The following NDUFAF6 variants were observed in gnomAD, a reference collection of about 807,000 sequenced individuals.
NDUFAF6 encodes NADH:ubiquinone oxidoreductase complex assembly factor 6.
Under a neutral mutation model 40.8 loss-of-function variants are expected in NDUFAF6, and 45 were observed. The observed-to-expected ratio is 1.10, with a 90% CI of 0.87 to 1.42. The LOEUF is 1.42. Ranked by LOEUF, NDUFAF6 falls within the 40% of genes most tolerant of loss-of-function variation. The pLI is 0.00. For missense variants in NDUFAF6, 435 were observed against 418.5 expected, an observed-to-expected ratio of 1.04 and a Z score of -0.34; for synonymous variants, 185 against 155.9, an observed-to-expected ratio of 1.19 and a Z score of -1.39.
intron 1 of NDUFAF6, among the ~76,000 whole-genome samples, chr8:94,917,261 A>G (rs1819203019): frequency 6.6e-6 from 1 of 152,140 alleles, no homozygotes; most frequent in African/African-American, 2.4e-5. Flanking sequence ...GTTTTTACCT[A>G]TTCCAGTCTG....
intron 1 of NDUFAF6, among the ~76,000 whole-genome samples, chr8:94,901,964 C>T (rs1818046081): frequency 6.6e-6 from 1 of 152,108 alleles, no homozygotes; most frequent in South Asian, 2.1e-4. Context: ...ACCTGTATTC[C>T]ACTATCAACA....
At chr8:94,902,341 C>G (rs1818077152) in intron 1 of NDUFAF6, among the ~76,000 whole-genome samples, 1 of 151,838 alleles carries the variant, frequency 6.6e-6, no homozygotes, top group African/African-American at 2.4e-5. Flanking sequence ...ATTGCTTGAA[C>G]CCAGGAGGTG....
At chr8:94,918,369 A>G (rs1341280512) in intron 1 of NDUFAF6, among the ~76,000 whole-genome samples, 1 of 152,148 alleles carries the variant, frequency 6.6e-6, no homozygotes, top group African/African-American at 2.4e-5. Flanking sequence ...TGGTGGAGAA[A>G]TAAGCTGCCA....
At chr8:94,979,912 T>A (rs555502491) in intron 1 of NDUFAF6, among the ~76,000 whole-genome samples, 40 of 152,200 alleles carry the variant, frequency 2.6e-4, no homozygotes, top group South Asian at 1.4e-3. Context: ...TTGGCCAACA[T>A]GGCAAAAACC....
intron 1 of NDUFAF6, among the ~76,000 whole-genome samples, chr8:94,942,219 T>G (rs1336989354): frequency 6.6e-6 from 1 of 151,916 alleles, no homozygotes; most frequent in Non-Finnish European, 1.5e-5. Context: ...TTTTTTTTTA[T>G]TTAGTGGAGA....
Position 95,048,445 on chromosome 8 carries a change from T to G in NDUFAF6, c.715-12T>G. On this transcript the variant is annotated splice_polypyrimidine_tract_variant and intron_variant, in intron 6 of 8. Coordinates refer to ENST00000396124, the MANE Select transcript of NDUFAF6 (RefSeq NM_152416.4). Reference sequence around the variant, plus strand: ...TTTAGGTTCCTAATATAATGTATATTTCCCCACACAGCATGGTGTTTCACA... The same window carrying G: ...TTTAGGTTCCTAATATAATGTATATGTCCCCACACAGCATGGTGTTTCACA... The G allele has an allele frequency of 1.3e-6, 2 of 1,592,838 alleles. No homozygotes were observed. Among genetic ancestry groups the G allele is most frequent in the Non-Finnish European group, 1.7e-6 (2 of 1,160,620 alleles).
rs371970329 is a variant in NDUFAF6, at chr8:95,045,603, A to G, written c.536A>G (p.Glu179Gly). The G allele has an allele frequency of 1.1e-5, 17 of 1,613,546 alleles. No homozygotes were observed. Among genetic ancestry groups the G allele is most frequent in the Non-Finnish European group, 1.4e-5 (16 of 1,179,674 alleles). Reference protein sequence around the residue: ...RNIKELENYAENTQSSLLYLT... With the variant: ...RNIKELENYAGNTQSSLLYLT... ...ATCAAGGAACTGGAAAATTATGCTG[A>G]AAACACACAGAGCTCTCTTCTTTAC... Residue 179 changes from glutamate to glycine, a missense_variant, in exon 5 of 9, where the codon GAA becomes GGA. Coordinates refer to ENST00000396124, the MANE Select transcript of NDUFAF6 (RefSeq NM_152416.4).
intron 2 of NDUFAF6, among the ~76,000 whole-genome samples, chr8:95,085,131 G>C (rs1395913296): frequency 1.3e-5 from 2 of 152,114 alleles, no homozygotes; most frequent in African/African-American, 4.8e-5. Context: ...TATTGGACAG[G>C]GATTTGTTAT....
intron 2 of NDUFAF6, among the ~76,000 whole-genome samples, chr8:95,017,099 A>ATTTTT (rs781650429): frequency 8.9e-6 from 1 of 111,884 alleles, no homozygotes; most frequent in African/African-American, 3.6e-5. Context: ...TGCCCAGCTA[A>ATTTTT]TTTTTTTTTT....
chr8:94,973,163 G>A (rs58282276), intron 1 of NDUFAF6, among the ~76,000 whole-genome samples: 19,904 of 152,138 alleles, frequency 0.13, 1,627 homozygotes, highest in Middle Eastern at 0.23. Context: ...CTGAAGGCAA[G>A]CTATCTGGGT....
At position 94,941,086 on chromosome 8, in the gene NDUFAF6, T is replaced by G. The variant is rs1049697928; in HGVS notation, c.-935-4397T>G. 4 of 614,288 alleles carry G rather than the reference T, an allele frequency of 6.5e-6. No individual in the cohort carries two copies. In the African/African-American group the frequency reaches 7.4e-5, roughly 11 times the overall value. The allele number at this position is 614,288 out of a possible 1,614,324, so 38.1% of individuals were successfully genotyped here. A position where few individuals can be genotyped will look rare whatever the true frequency, so the allele number is the denominator to read the frequency against. On this transcript the variant is annotated intron_variant, in intron 1 of 14. Transcript: ENST00000396113. The stretch of plus-strand genomic sequence containing the variant: ...CTTAGGTGAAAAGCAAGAAGAGTCA[T>G]TGTACCTAAAATAAAACAGAAAAAG...
intron 1 of NDUFAF6, among the ~76,000 whole-genome samples, chr8:94,959,232 G>C (rs995306336): frequency 6.6e-6 from 1 of 152,164 alleles, no homozygotes; most frequent in African/African-American, 2.4e-5. Context: ...CAACCAAGCT[G>C]CATTTCAATT....
At chr8:95,052,332 C>T in intron 8 of NDUFAF6, 102 bp downstream of exon 8, 5 of 1,310,754 alleles carry the variant, frequency 3.8e-6, no homozygotes, top group Non-Finnish European at 5.4e-6. Context: ...TAGTTCGGAG[C>T]CTTTGTTTTT....
downstream of NDUFAF6, among the ~76,000 whole-genome samples, chr8:95,079,250 G>A (rs1409409322): frequency 6.6e-6 from 1 of 151,994 alleles, no homozygotes; most frequent in East Asian, 1.9e-4. Context: ...GGGAGCCACC[G>A]TGAACCACTG....
chr8:95,012,366 GAC>G (rs1286120257), intron 2 of NDUFAF6, among the ~76,000 whole-genome samples: 1 of 152,158 alleles, frequency 6.6e-6, no homozygotes, highest in East Asian at 1.9e-4. Flanking sequence ...GGCTAGTAAA[GAC>G]ACAGTCCCCT....
downstream of NDUFAF6, among the ~76,000 whole-genome samples, chr8:95,062,431 A>T (rs1832595323): frequency 6.6e-6 from 1 of 152,230 alleles, no homozygotes; most frequent in African/African-American, 2.4e-5. Flanking sequence ...GAACCAAATT[A>T]GGCCTGCAGG....
intron 1 of NDUFAF6, among the ~76,000 whole-genome samples, chr8:94,914,011 T>C (rs112879151): frequency 8.9e-4 from 135 of 152,176 alleles, no homozygotes; most frequent in African/African-American, 3.0e-3. Flanking sequence ...AGGCTGGTCT[T>C]GAACTCCTAA....
At chr8:94,963,418 G>C (rs1051472915) in intron 1 of NDUFAF6, among the ~76,000 whole-genome samples, 4 of 152,152 alleles carry the variant, frequency 2.6e-5, no homozygotes, top group African/African-American at 9.7e-5. Flanking sequence ...AAAATGCTAT[G>C]GAAACCCAGA....
At chr8:94,960,232 A>G (rs1215695569) in intron 1 of NDUFAF6, among the ~76,000 whole-genome samples, 2 of 152,174 alleles carry the variant, frequency 1.3e-5, no homozygotes, top group East Asian at 3.8e-4. Flanking sequence ...CGCGCAACTC[A>G]TTGGTTTTTG....
Sources: allele counts gnomAD v4.1 joint callset (sites outside exome capture counted in the v4.1 genomes callset), GRCh38; gene constraint gnomAD v4.1.1; transcripts MANE v1.5; gene names NCBI Gene and HGNC (gene_info 2026-07-23, HGNC 2026-07-21).